CUBN: variants seen among roughly 807,000 people sequenced by gnomAD.
CUBN encodes cubilin.
A neutral mutation model predicts 405.3 loss-of-function variants in CUBN; 282 were observed. That is an observed-to-expected ratio of 0.70 (90% confidence interval 0.63 to 0.77). The LOEUF (loss-of-function observed/expected upper bound fraction) is 0.77. Among genes scored for constraint, CUBN ranks in the 30% least tolerant of loss-of-function variants. CUBN has a pLI of 0.00. For missense variants in CUBN, 4,514 were observed against 4,475.2 expected (o/e 1.01, Z -0.25); for synonymous variants, 1,684 against 1,617.0 (o/e 1.04, Z -0.99).
intron 22 of CUBN, among the ~76,000 whole-genome samples, chr10:17,057,069 C>T (rs1303667859): frequency 6.6e-6 from 1 of 152,120 alleles, no homozygotes; most frequent in African/African-American, 2.4e-5. Context: ...GAGAAAAGAA[C>T]TGCTGCAAGG....
chr10:17,026,754 T>C (rs1834677343), intron 27 of CUBN, among the ~76,000 whole-genome samples: 1 of 151,448 alleles, frequency 6.6e-6, no homozygotes, highest in Non-Finnish European at 1.5e-5. Context: ...ATGAGGCAAA[T>C]GTAGAGGAAG....
In CUBN at chr10:17,101,511, GT is replaced by G. The variant is rs1368224663; in HGVS notation, c.1531-1273del. Among the ~76,000 whole-genome samples the G allele has an allele frequency of 4.6e-5, 7 of 151,938 alleles. No homozygotes were observed. The East Asian group carries it at 9.7e-4, about 21-fold the overall frequency. On this transcript the variant is annotated intron_variant, in intron 13 of 66. Transcript: ENST00000377833. Reference sequence around the variant, plus strand: ...CTCCCTCCTCAAAGGAAAAAAAAATGTTTTTTGACCCTTGTACAATGCCCTC... The same window carrying G: ...CTCCCTCCTCAAAGGAAAAAAAAATGTTTTTGACCCTTGTACAATGCCCTC...
intron 14 of CUBN, among the ~76,000 whole-genome samples, chr10:17,090,020 G>A (rs1296465116): frequency 6.6e-6 from 1 of 152,134 alleles, no homozygotes; most frequent in Non-Finnish European, 1.5e-5. Flanking sequence ...GGAGACTGAG[G>A]AAGGAGGATC....
rs531856337 is a variant in CUBN at position 16,834,613 on chromosome 10, G to C, written c.10362+401C>G. ...TAGGTGAGCTATTTAGTATCATTGA[G>C]CTTCATTTTACAGAACCAGCATGTT... On this transcript the variant is annotated intron_variant, in intron 64 of 66. Transcript: ENST00000377833. Among the ~76,000 whole-genome samples the C allele has an allele frequency of 8.5e-5, 13 of 152,320 alleles. No individual in the cohort carries two copies. The South Asian group carries it at 2.7e-3, about 32-fold the overall frequency.
chr10:16,893,875 T>A (rs1383582784), intron 54 of CUBN, among the ~76,000 whole-genome samples: 1 of 152,240 alleles, frequency 6.6e-6, no homozygotes, highest in African/African-American at 2.4e-5. Context: ...CTCGGATAAA[T>A]GCCCAGAGTG....
At position 17,040,983 on chromosome 10, in the gene CUBN, T is replaced by C. The variant is rs752482310; in HGVS notation, c.4017+50A>G. 7.8e-6 allele frequency: 12 copies of C among 1,542,024 alleles called. No individual in the cohort carries two copies. The Admixed American group carries it at 1.2e-4, about 15-fold the overall frequency. ...GCATGATGGATTCTAACTTGACACATCTCCCTTGATCTGAAAAAGCAGTGA... is the reference window on the plus strand; with the variant it reads ...GCATGATGGATTCTAACTTGACACACCTCCCTTGATCTGAAAAAGCAGTGA... On this transcript the variant is annotated intron_variant, in intron 27 of 66. Coordinates refer to ENST00000377833, the MANE Select transcript of CUBN (RefSeq NM_001081.4).
At position 17,071,474 on chromosome 10, in the gene CUBN, A is replaced by G; in HGVS notation, c.2577T>C (p.Thr859=). The G allele has an allele frequency of 6.2e-7, 1 of 1,614,030 alleles. No individual in the cohort carries two copies. The highest frequency in any genetic ancestry group is 8.5e-7 in the Non-Finnish European group (1 of 1,179,950). The change falls in exon 19 of 67, where the codon ACT becomes ACC. Residue 859 remains threonine (T), a synonymous_variant. Coordinates refer to ENST00000377833, the MANE Select transcript of CUBN (RefSeq NM_001081.4). ...PQSQVILLNF[T]VFEIGSSAHC... ...GGGCAGAACTTCCAATTTCAAAGACAGTGAAGTTGAGGAGAATGACTTGGC... is the reference window on the plus strand; with the variant it reads ...GGGCAGAACTTCCAATTTCAAAGACGGTGAAGTTGAGGAGAATGACTTGGC...
intron 59 of CUBN, among the ~76,000 whole-genome samples, chr10:16,866,224 T>G (rs1588601720): frequency 6.6e-6 from 1 of 152,224 alleles, no homozygotes; most frequent in African/African-American, 2.4e-5. Flanking sequence ...AGTAAATAAA[T>G]AAGTTTACTG....
Position 17,114,078 on chromosome 10 carries a change from C to G in CUBN, c.832G>C (p.Val278Leu), listed in dbSNP as rs1234587856. Reference protein sequence around the residue: ...SFQPGPCSTLVQCFNTQGSFY... With the variant: ...SFQPGPCSTLLQCFNTQGSFY... Reference sequence around the variant, plus strand: ...GAGCCTTGAGTGTTGAAACACTGCACAAGTGTGGAGCAAGGCCCGGGCTGG... The same window carrying G: ...GAGCCTTGAGTGTTGAAACACTGCAGAAGTGTGGAGCAAGGCCCGGGCTGG... The change falls in exon 8 of 67, where the codon GTG (valine) becomes CTG (leucine). Residue 278 changes from valine (V) to leucine (L), a missense_variant. Transcript: ENST00000377833. 1 of 1,613,092 alleles carries G rather than the reference C, an allele frequency of 6.2e-7. No homozygotes were observed.
intron 31 of CUBN, among the ~76,000 whole-genome samples, chr10:16,981,727 G>A (rs1406449969): frequency 2.0e-5 from 3 of 152,124 alleles, no homozygotes; most frequent in Non-Finnish European, 4.4e-5. Flanking sequence ...GTCTATTCGT[G>A]TGCTCCCTCC....
chr10:17,007,181 C>T (rs1029563656), intron 28 of CUBN, among the ~76,000 whole-genome samples: 3 of 150,790 alleles, frequency 2.0e-5, no homozygotes, highest in Non-Finnish European at 4.4e-5. Context: ...CCCTATCCCC[C>T]ACCCCCTCCC....
At position 16,982,600 on chromosome 10, in the gene CUBN, G is replaced by C. The variant is rs1833306402; in HGVS notation, c.4579C>G (p.Pro1527Ala). The change falls in exon 31 of 67, where the codon CCC (proline) becomes GCC (alanine). Residue 1527 changes from proline to alanine, a missense_variant. Transcript: ENST00000377833. ...TCTGTGTTGCTCCTATAAGGACTGG[G>C]GTAATTTGGAGAATGAATCTCTCCA... is the stretch of plus-strand genomic sequence containing the variant. ...PSGEIHSPNY[P>A]SPYRSNTDCS... The C allele has an allele frequency of 2.5e-6, 4 of 1,613,590 alleles. No homozygotes were observed. In the East Asian group the frequency reaches 8.9e-5, roughly 36 times the overall value.
chr10:17,119,553 G>C (rs1003100941), intron 6 of CUBN, among the ~76,000 whole-genome samples: 2 of 152,138 alleles, frequency 1.3e-5, no homozygotes, highest in Non-Finnish European at 2.9e-5. Flanking sequence ...CCAGCTACTC[G>C]GGAGGCTGAG....
At chr10:16,882,656 G>T (rs1199684697) in intron 56 of CUBN, among the ~76,000 whole-genome samples, 1 of 152,146 alleles carries the variant, frequency 6.6e-6, no homozygotes, top group Admixed American at 6.5e-5. Flanking sequence ...AGAGATGAGG[G>T]AAAACCCTTT....
intron 62 of CUBN, among the ~76,000 whole-genome samples, chr10:16,839,182 G>A (rs536303280): frequency 2.0e-5 from 3 of 152,176 alleles, no homozygotes; most frequent in South Asian, 2.1e-4. Context: ...TGGGGGATTC[G>A]GTCTCTGAGG....
At chr10:17,014,518 G>T (rs1009462516) in intron 28 of CUBN, among the ~76,000 whole-genome samples, 3 of 152,186 alleles carry the variant, frequency 2.0e-5, no homozygotes, top group Non-Finnish European at 4.4e-5. Flanking sequence ...ATGTCTTAGG[G>T]TGAGCATAAT....
In CUBN at chr10:17,041,336, T is replaced by C. The variant is rs1032746943; in HGVS notation, c.3830-116A>G. 4.3e-5 allele frequency: 34 copies of C among 788,138 alleles called. No individual in the cohort carries two copies. The African/African-American group carries it at 5.3e-4, about 12-fold the overall frequency. 48.8% of individuals were successfully genotyped at this position (788,138 alleles called of 1,614,324 possible). On this transcript the variant is annotated intron_variant, in intron 26 of 66. Transcript: ENST00000377833. ...TCATCTGTGTATGTACACACACACA[T>C]ATATGATGTGTATATATGTGTGTGT...
At position 17,084,466 on chromosome 10, in the gene CUBN, G is replaced by A. The variant is rs371498834; in HGVS notation, c.2111-5C>T. 65 of 1,612,058 alleles carry A rather than the reference G, an allele frequency of 4.0e-5. No individual in the cohort carries two copies. Among genetic ancestry groups the A allele is most frequent in the Non-Finnish European group, 5.1e-5 (60 of 1,179,428 alleles). The stretch of plus-strand genomic sequence containing the variant: ...TCCCACCACAACGCAGATCCGCTAA[G>A]AACAGGGAAGAGACGAACAGGTCAT... On this transcript the variant is annotated splice_polypyrimidine_tract_variant and splice_region_variant and intron_variant, in intron 16 of 66. Transcript: ENST00000377833.
chr10:17,093,811 A>T (rs1167867149), intron 14 of CUBN, among the ~76,000 whole-genome samples: 1 of 152,182 alleles, frequency 6.6e-6, no homozygotes, highest in African/African-American at 2.4e-5. Context: ...GGTTGACAAA[A>T]TAGTTGAAGA....
Sources: allele counts gnomAD v4.1 joint callset (sites outside exome capture counted in the v4.1 genomes callset), GRCh38; gene constraint gnomAD v4.1.1; transcripts MANE v1.5; gene names NCBI Gene and HGNC (gene_info 2026-07-23, HGNC 2026-07-21).